Variants in STRC observed in about 807,000 individuals in gnomAD.
The protein encoded by STRC is stereocilin.
In STRC, 43 loss-of-function variants were observed where a neutral mutation model predicts 103.5. The ratio of observed to expected loss-of-function variants is 0.42; its 90% CI spans 0.33 to 0.54. The LOEUF is 0.54. STRC is among the 20% of genes least tolerant of loss of function. STRC has a pLI of 0.14. For missense variants in STRC, 499 were observed against 1,088.5 expected, an observed-to-expected ratio of 0.46 and a Z score of 7.62; for synonymous variants, 186 against 442.3, an observed-to-expected ratio of 0.42 and a Z score of 7.27.
rs1311304369 is a variant in STRC, at chr15:43,603,368, T to C, written c.4419A>G (p.Ala1473=). 8 of 1,613,698 alleles carry C rather than the reference T, an allele frequency of 5.0e-6. No homozygotes were observed. Among genetic ancestry groups the C allele is most frequent in the Non-Finnish European group, 5.9e-6 (7 of 1,179,912 alleles). Reference sequence around the variant, plus strand: ...CTGCAATCTGGGTTGCAGACCAGGCTGCTGGGAATGTCCCTCGTACATCTG... The same window carrying C: ...CTGCAATCTGGGTTGCAGACCAGGCCGCTGGGAATGTCCCTCGTACATCTG... ...NCADVRGTFP[A]AWSATQIAEM... Residue 1473 remains alanine (A), a synonymous_variant, in exon 23 of 29, where the codon GCA becomes GCG. Transcript: ENST00000450892.
intron 18 of STRC, 50 bp from the exon 19 acceptor site, chr15:43,605,449 T>G (rs974120359): frequency 1.3e-6 from 2 of 1,565,334 alleles, no homozygotes; most frequent in African/African-American, 2.7e-5. Flanking sequence ...CTGGGCCAAG[T>G]CGAGAAGGGA....
intron 22 of STRC, 104 bp downstream of exon 22, chr15:43,603,892 A>T (rs1240253466): frequency 6.3e-7 from 1 of 1,577,384 alleles, no homozygotes; most frequent in East Asian, 2.3e-5. Context: ...TCTTTGCTTT[A>T]TAAATTAGAA....
rs773465079 is a variant in STRC, at chr15:43,604,708, G to A, written c.4069C>T (p.Leu1357=). 2 of 1,613,638 alleles carry A rather than the reference G, an allele frequency of 1.2e-6. No individual in the cohort carries two copies. Among genetic ancestry groups the A allele is most frequent in the South Asian group, 1.1e-5 (1 of 91,058 alleles). The change falls in exon 20 of 29, where the codon CTA becomes TTA. Residue 1357 remains leucine, a synonymous_variant. Transcript: ENST00000450892. The part of the protein sequence containing the change: ...SHLSQLQGFC[L]GETFATELGW... Reference sequence around the variant, plus strand: ...AGCTCTGTGGCAAATGTCTCTCCTAGGCAGAAGCCTTGCAGCTGACTGAGA... The same window carrying A: ...AGCTCTGTGGCAAATGTCTCTCCTAAGCAGAAGCCTTGCAGCTGACTGAGA...
chr15:43,604,253 C>G, intron 21 of STRC, 101 bp from the exon 22 acceptor site: 1 of 1,594,150 alleles, frequency 6.3e-7, no homozygotes, highest in Admixed American at 1.7e-5. Flanking sequence ...GCAGTCTCCC[C>G]CCAGATCTAG....
chr15:43,607,985 A>C lies in STRC; in HGVS notation c.3682-10T>G, dbSNP rs1419091296. 2 of 1,610,892 alleles carry C rather than the reference A, an allele frequency of 1.2e-6. No individual in the cohort carries two copies. Among genetic ancestry groups the C allele is most frequent in the Non-Finnish European group, 1.7e-6 (2 of 1,179,490 alleles). On this transcript the variant is annotated splice_polypyrimidine_tract_variant and intron_variant, in intron 17 of 28. Transcript: ENST00000450892. ...CCCAGATACAGGCCCTCTGTAGGGA[A>C]GCAGTGTGAGGCCAGAGCAGAACAT...
Position 43,605,268 on chromosome 15 carries a change from T to G in STRC, c.3926A>C (p.Asn1309Thr), listed in dbSNP as rs753267182. 6.3e-7 allele frequency: 1 copy of G among 1,584,916 alleles called. No homozygotes were observed. Among genetic ancestry groups the G allele is most frequent in the Non-Finnish European group, 8.6e-7 (1 of 1,164,518 alleles). The change falls in exon 19 of 29, where the codon AAC becomes ACC. Residue 1309 changes from asparagine to threonine, a missense_variant. Physicochemically the swap from Asn to Thr is moderately conservative, Grantham distance 65. Coordinates refer to ENST00000450892, the MANE Select transcript of STRC (RefSeq NM_153700.2). ...TCTGGTAGGGTGGACTCTTACCAGG[T>G]TTTGTAGTGCCCTCTCTGCCAGGGC... ...QAALAERALQ[N>T]LAPKETPVSG... is the part of the protein sequence containing the mutation.
intron 18 of STRC, among the ~76,000 whole-genome samples, chr15:43,605,624 T>C (rs1165496464): frequency 7.6e-6 from 1 of 131,488 alleles, no homozygotes; most frequent in Admixed American, 7.6e-5. Flanking sequence ...AAAAAAAAAA[T>C]AACGAACAAT....
In STRC at chr15:43,609,341, GAGAA is replaced by G. The variant is rs1567118938; in HGVS notation, c.3499-11_3499-8del. 5 of 1,607,338 alleles carry G rather than the reference GAGAA, an allele frequency of 3.1e-6. No individual in the cohort carries two copies. Among genetic ancestry groups the G allele is most frequent in the Non-Finnish European group, 4.2e-6 (5 of 1,178,138 alleles). ...TCTTCCAGAGAAACTGTGCCTACAA[GAGAA>G]AGAAAGACGAGCCCCTTCCCAGAAG... On this transcript the variant is annotated splice_polypyrimidine_tract_variant and splice_region_variant and intron_variant, in intron 15 of 28. Transcript: ENST00000450892.
chr15:43,603,727 G>T, intron 22 of STRC: 2 of 701,346 alleles, frequency 2.9e-6, no homozygotes, highest in Non-Finnish European at 4.6e-6. Context: ...CCAGCAGAGA[G>T]CTCCACACTT....
chr15:43,605,308 G>T lies in STRC; in HGVS notation c.3886C>A (p.Pro1296Thr). 6.3e-7 allele frequency: 1 copy of T among 1,591,730 alleles called. No homozygotes were observed. The highest frequency in any genetic ancestry group is 8.6e-7 in the Non-Finnish European group (1 of 1,167,852). The change falls in exon 19 of 29, where the codon CCC (proline) becomes ACC (threonine). Residue 1296 changes from proline to threonine, a missense_variant. Pro to Thr is a conservative substitution (Grantham distance 38). Coordinates refer to ENST00000450892, the MANE Select transcript of STRC (RefSeq NM_153700.2). ...RAPEQLLALT[P>T]LHQAALAERA... ...TCTGCCAGGGCTGCCTGGTGGAGGG[G>T]GGTCAGTGCCAGCAGCTGCTCTGGA...
Position 43,601,554 on chromosome 15 carries a change from A to G in STRC, c.4546-3T>C, listed in dbSNP as rs376469260. 7 of 1,613,754 alleles carry G rather than the reference A, an allele frequency of 4.3e-6. No individual in the cohort carries two copies. Among genetic ancestry groups the G allele is most frequent in the Non-Finnish European group, 5.9e-6 (7 of 1,179,758 alleles). ...AATCCCCGGGGGGGACCCCACAACT[A>G]GGAGAAAGACAGGAACAATGTGAGT... On this transcript the variant is annotated splice_region_variant and splice_polypyrimidine_tract_variant and intron_variant, in intron 23 of 28. Coordinates refer to ENST00000450892, the MANE Select transcript of STRC (RefSeq NM_153700.2).
At chr15:43,606,429 G>A (rs1373582481) in intron 18 of STRC, among the ~76,000 whole-genome samples, 7 of 142,422 alleles carry the variant, frequency 4.9e-5, no homozygotes, top group Admixed American at 2.1e-4. Flanking sequence ...GTGAAACCCC[G>A]TCTCTACTAA....
chr15:43,600,841 C>T (rs1370218760), intron 25 of STRC, 31 bp downstream of exon 25: 1 of 1,613,582 alleles, frequency 6.2e-7, no homozygotes, highest in African/African-American at 1.3e-5. Context: ...TTTACCTCAG[C>T]ACCACCACCC....
At chr15:43,602,409 C>G (rs1266678349) in intron 23 of STRC, 1 of 151,958 alleles carries the variant, frequency 6.6e-6, no homozygotes, top group Non-Finnish European at 1.5e-5. Flanking sequence ...GTCTCTAACT[C>G]CTGGGCTCAA....
At position 43,608,090 on chromosome 15, in the gene STRC, C is replaced by T. The variant is rs765085319; in HGVS notation, c.3671G>A (p.Arg1224Gln). The T allele has an allele frequency of 1.9e-5, 30 of 1,610,070 alleles. 2 individuals carry two copies. Among genetic ancestry groups the T allele is most frequent in the East Asian group, 4.5e-5 (2 of 44,774 alleles). Reference protein sequence around the residue: ...HMIYQLPTRVRGSLRACIWAE... With the variant: ...HMIYQLPTRVQGSLRACIWAE... ...GGCACCCCCTCTCACCAGGCTCCCT[C>T]GAACTCTAGTGGGCAGCTGATAGAT... Residue 1224 changes from arginine to glutamine, a missense_variant, in exon 17 of 29, where the codon CGA (arginine) becomes CAA (glutamine). By Grantham distance (43) the Arg-to-Gln change is conservative. Coordinates refer to ENST00000450892, the MANE Select transcript of STRC (RefSeq NM_153700.2).
In STRC at chr15:43,599,717, G is replaced by A; in HGVS notation, c.5283C>T (p.Ser1761=). ...AGCTGATAGTCAATACCAGGGACCAGGAAGGTCGTGACCAGTCCTGGAGGC... is the reference window on the plus strand; with the variant it reads ...AGCTGATAGTCAATACCAGGGACCAAGAAGGTCGTGACCAGTCCTGGAGGC... ...AWGLQDWSRP[S]WSLVLTISFL... Residue 1761 remains serine (S), a synonymous_variant, in exon 29 of 29, where the codon TCC becomes TCT. Transcript: ENST00000450892. 6.2e-6 allele frequency: 3 copies of A among 484,778 alleles called. No individual in the cohort carries two copies. In the South Asian group the frequency reaches 6.5e-5, roughly 10 times the overall value. 30.0% of individuals were successfully genotyped at this position (484,778 alleles called of 1,614,324 possible).
intron 23 of STRC, 145 bp downstream of exon 23, chr15:43,603,097 C>G: frequency 2.4e-6 from 2 of 834,450 alleles, no homozygotes; most frequent in Admixed American, 4.1e-5. Context: ...TATCTCCCTT[C>G]ACCTCCTACT....
At position 43,604,687 on chromosome 15, in the gene STRC, C is replaced by T. The variant is rs2085699188; in HGVS notation, c.4090G>A (p.Glu1364Lys). The T allele has an allele frequency of 6.2e-7, 1 of 1,613,504 alleles. No individual in the cohort carries two copies. The highest frequency in any genetic ancestry group is 1.3e-5 in the African/African-American group (1 of 74,852). The change falls in exon 20 of 29, where the codon GAG becomes AAG. Residue 1364 changes from glutamate (E) to lysine (K), a missense_variant. Coordinates refer to ENST00000450892, the MANE Select transcript of STRC (RefSeq NM_153700.2). Reference protein sequence around the residue: ...GFCLGETFATELGWLLLQESV... With the variant: ...GFCLGETFATKLGWLLLQESV... The stretch of plus-strand genomic sequence containing the variant: ...TCCTGCAATAGCAGCCATCCCAGCT[C>T]TGTGGCAAATGTCTCTCCTAGGCAG...
In STRC at chr15:43,600,619, C is replaced by A. The variant is rs1240241436; in HGVS notation, c.4908G>T (p.Leu1636=). The A allele has an allele frequency of 1.2e-6, 2 of 1,613,788 alleles. No individual in the cohort carries two copies. The highest frequency in any genetic ancestry group is 1.7e-6 in the Non-Finnish European group (2 of 1,179,884). Residue 1636 remains leucine, a synonymous_variant, in exon 26 of 29, where the codon CTG becomes CTT. Coordinates refer to ENST00000450892, the MANE Select transcript of STRC (RefSeq NM_153700.2). ...LQCSEEQLEV[L]AHLLVLPGGF... is the part of the protein sequence containing the mutation. Reference sequence around the variant, plus strand: ...CACCAGGCAGTACAAGTAGGTGGGCCAGAACCTCCAGTTGTTCCTCAGAGC... The same window carrying A: ...CACCAGGCAGTACAAGTAGGTGGGCAAGAACCTCCAGTTGTTCCTCAGAGC...
Sources: gnomAD v4.1 joint callset for allele counts (sites outside exome capture counted in the v4.1 genomes callset) on GRCh38, gnomAD v4.1.1 for gene constraint, MANE v1.5 for transcripts, NCBI Gene and HGNC (gene_info 2026-07-23, HGNC 2026-07-21) for gene names.